WWC2: variants seen among roughly 807,000 people sequenced by gnomAD.
WWC2 encodes WW and C2 domain containing 2.
A neutral mutation model predicts 138.5 loss-of-function variants in WWC2; 101 were observed. That is an observed-to-expected ratio of 0.73 (90% CI 0.62 to 0.86). The LOEUF is 0.86. Ranked by LOEUF, WWC2 falls within the 40% of genes least tolerant of loss-of-function variation. The pLI, the probability that WWC2 is intolerant of heterozygous loss-of-function variation, is 0.00. For missense variants in WWC2, 1,420 were observed against 1,419.4 expected (o/e 1.00, Z -0.01); for synonymous variants, 558 against 538.4 (o/e 1.04, Z -0.50).
intron 1 of WWC2, among the ~76,000 whole-genome samples, chr4:183,172,667 A>G (rs1298491770): frequency 4.0e-5 from 6 of 151,378 alleles, no homozygotes; most frequent in Non-Finnish European, 5.9e-5. Flanking sequence ...AAATTTCACA[A>G]TGTTGGGCAT....
At position 183,318,066 on chromosome 4, in the gene WWC2, T is replaced by G. The variant is rs558754936; in HGVS notation, c.*2337T>G. 6.6e-6 allele frequency: 1 copy of G among 152,266 alleles called. No individual in the cohort carries two copies. Among genetic ancestry groups the G allele is most frequent in the South Asian group, 2.1e-4 (1 of 4,824 alleles). The allele number at this position is 152,266 out of a possible 1,614,324, so 9.4% of individuals were successfully genotyped here. ...TTTTAATAACTTGATCACAAAACCA[T>G]ATGGACAAATATGAATTTTAATATT... On this transcript the variant is annotated 3_prime_UTR_variant, in exon 23 of 23. Transcript: ENST00000403733.
chr4:183,105,868 T>C (rs1404119386), intron 1 of WWC2, among the ~76,000 whole-genome samples: 5 of 149,242 alleles, frequency 3.4e-5, no homozygotes, highest in Non-Finnish European at 7.4e-5. Flanking sequence ...CCAGCCTGGG[T>C]GACAGAACGG....
intron 14 of WWC2, among the ~76,000 whole-genome samples, chr4:183,268,668 C>G (rs1166361539): frequency 6.6e-6 from 1 of 152,108 alleles, no homozygotes; most frequent in African/African-American, 2.4e-5. Context: ...GCAGGTGGGA[C>G]GTTAAATTCG....
intron 10 of WWC2, 50 bp downstream of exon 10, chr4:183,259,778 T>C: frequency 8.2e-7 from 1 of 1,214,808 alleles, no homozygotes; most frequent in Non-Finnish European, 1.2e-6. Flanking sequence ...AATAGCATGT[T>C]CTTGTTCATC....
intron 1 of WWC2, among the ~76,000 whole-genome samples, chr4:183,139,323 C>G (rs1733219526): frequency 6.6e-6 from 1 of 152,184 alleles, no homozygotes; most frequent in African/African-American, 2.4e-5. Flanking sequence ...TCAGAAATCT[C>G]CAGTTCACAT....
intron 1 of WWC2, among the ~76,000 whole-genome samples, chr4:183,109,534 A>G (rs1327025739): frequency 6.6e-6 from 1 of 152,160 alleles, no homozygotes; most frequent in Non-Finnish European, 1.5e-5. Context: ...ATCAGGGATT[A>G]GTTAGATTCT....
At chr4:183,109,200 C>T (rs911592346) in intron 1 of WWC2, among the ~76,000 whole-genome samples, 67 of 151,976 alleles carry the variant, frequency 4.4e-4, no homozygotes, top group African/African-American at 1.6e-3. Context: ...AAGCTGTAAA[C>T]AAACAAACAA....
At chr4:183,149,061 A>G (rs975228519) in intron 1 of WWC2, among the ~76,000 whole-genome samples, 7 of 152,058 alleles carry the variant, frequency 4.6e-5, no homozygotes, top group Non-Finnish European at 1.0e-4. Flanking sequence ...CACTCATCTA[A>G]GTCTTTTTTT....
chr4:183,252,512 G>T lies in WWC2; in HGVS notation c.954-1245G>T, dbSNP rs118120420. ...GTGTTACGAAGCTCTAGACATAAGA[G>T]AAATCTGGGGTCAGGCAAAATTATG... On this transcript the variant is annotated intron_variant, in intron 8 of 22. Coordinates refer to ENST00000403733, the MANE Select transcript of WWC2 (RefSeq NM_024949.6). Among the ~76,000 whole-genome samples, 368 of 152,310 alleles carry T rather than the reference G, an allele frequency of 2.4e-3. 3 individuals are homozygous for T. The highest frequency in any genetic ancestry group is 0.022 in the East Asian group (115 of 5,186).
intron 1 of WWC2, among the ~76,000 whole-genome samples, chr4:183,192,988 G>A (rs888478087): frequency 2.0e-5 from 3 of 152,192 alleles, no homozygotes; most frequent in South Asian, 2.1e-4. Context: ...TTAAGAGAGA[G>A]TATAAAGCAA....
At chr4:183,308,171 G>A (rs1739085218) in intron 21 of WWC2, among the ~76,000 whole-genome samples, 1 of 152,146 alleles carries the variant, frequency 6.6e-6, no homozygotes, top group South Asian at 2.1e-4. Flanking sequence ...AACAAAATAT[G>A]TATAAGGTCT....
At chr4:183,184,530 T>A (rs902523020) in intron 1 of WWC2, among the ~76,000 whole-genome samples, 1 of 152,236 alleles carries the variant, frequency 6.6e-6, no homozygotes, top group African/African-American at 2.4e-5. Flanking sequence ...GGTAATTCCA[T>A]TTTAACTTTC....
At chr4:183,263,266 G>A (rs543468989) in intron 11 of WWC2, among the ~76,000 whole-genome samples, 39 of 152,290 alleles carry the variant, frequency 2.6e-4, no homozygotes, top group Admixed American at 1.3e-3. Flanking sequence ...ATTTGGAGGG[G>A]CAGTAAGTGA....
intron 4 of WWC2, among the ~76,000 whole-genome samples, chr4:183,214,384 C>G (rs1463755225): frequency 6.6e-6 from 1 of 152,070 alleles, no homozygotes; most frequent in Non-Finnish European, 1.5e-5. Flanking sequence ...GAATGGCAGT[C>G]AAATTTAAGG....
chr4:183,112,765 G>A (rs1476892395), intron 1 of WWC2, among the ~76,000 whole-genome samples: 1 of 152,078 alleles, frequency 6.6e-6, no homozygotes, highest in Non-Finnish European at 1.5e-5. Flanking sequence ...GGTGGGAGCT[G>A]CTTTGGGTTA....
chr4:183,195,818 C>A (rs1735125897), intron 2 of WWC2, among the ~76,000 whole-genome samples: 2 of 152,166 alleles, frequency 1.3e-5, no homozygotes, highest in Admixed American at 1.3e-4. Flanking sequence ...TGTTCTCCAC[C>A]ATCTCACAGA....
chr4:183,213,479 C>T (rs775592884), intron 4 of WWC2, among the ~76,000 whole-genome samples: 5 of 152,124 alleles, frequency 3.3e-5, no homozygotes, highest in East Asian at 1.9e-4. Context: ...TAGTTTTATG[C>T]TTTAATGTTT....
At chr4:183,250,100 C>A in intron 8 of WWC2, 107 bp downstream of exon 8, 6 of 991,472 alleles carry the variant, frequency 6.1e-6, no homozygotes, top group Non-Finnish European at 7.5e-6. Context: ...ACATTCTTAC[C>A]AAGGCCACCC....
intron 1 of WWC2, among the ~76,000 whole-genome samples, chr4:183,149,696 A>C (rs1042978515): frequency 2.7e-5 from 4 of 149,148 alleles, no homozygotes; most frequent in African/African-American, 9.9e-5. Flanking sequence ...GGCTGATAGA[A>C]TCCCCATTGT....
Sources: gnomAD v4.1 joint callset for allele counts (sites outside exome capture counted in the v4.1 genomes callset) on GRCh38, gnomAD v4.1.1 for gene constraint, MANE v1.5 for transcripts, NCBI Gene and HGNC (gene_info 2026-07-23, HGNC 2026-07-21) for gene names.